Variants in OR4K1 observed in about 807,000 individuals in gnomAD.
OR4K1 encodes olfactory receptor family 4 subfamily K member 1, also known as olfactory receptor 4K1.
OR4K1 carries 16 observed loss-of-function variants against 14.4 expected under a neutral mutation model. That is an observed-to-expected ratio of 1.11 (90% CI 0.75 to 1.68). OR4K1 has a LOEUF of 1.68. Ranked by LOEUF, OR4K1 falls within the 40% of genes most tolerant of loss-of-function variation. The probability of loss-of-function intolerance (pLI) is 0.00; values close to 1 mark genes in which losing one functional copy is unlikely to be tolerated. For synonymous variants in OR4K1, 181 were observed against 133.1 expected, an observed-to-expected ratio of 1.36 and a Z score of -2.48; for missense variants, 548 against 376.9, an observed-to-expected ratio of 1.45 and a Z score of -3.76.
chr14:19,935,730 G>C lies in OR4K1; in HGVS notation c.64G>C (p.Gly22Arg). The C allele has an allele frequency of 6.2e-7, 1 of 1,613,852 alleles. No individual in the cohort carries two copies. The highest frequency in any genetic ancestry group is 8.5e-7 in the Non-Finnish European group (1 of 1,179,956). The change falls in exon 2 of 2, where the codon GGA (glycine) becomes CGA (arginine). Residue 22 changes from glycine (G) to arginine (R), a missense_variant. Physicochemically the swap from Gly to Arg is moderately radical, Grantham distance 125. Transcript: ENST00000641172. ...FVLLGLSNSW[G>R]LQLFFFAIFS... The stretch of plus-strand genomic sequence containing the variant: ...ACTTTTGGGACTCTCTAATTCCTGG[G>C]GACTTCAACTTTTCTTTTTTGCCAT...
rs755773935 is a variant in OR4K1 at position 19,936,303 on chromosome 14, G to C, written c.637G>C (p.Ala213Pro). Residue 213 changes from alanine (A) to proline (P), a missense_variant, in exon 2 of 2, where the codon GCT (alanine) becomes CCT (proline). By Grantham distance (27) the Ala-to-Pro change is conservative. Transcript: ENST00000641172. ...SGLISLSCFL[A>P]LIISYTIILI... ...CCTGATATCATTGAGCTGTTTCCTG[G>C]CTTTAATTATTTCCTACACCATCAT... The C allele has an allele frequency of 6.2e-7, 1 of 1,614,218 alleles. No homozygotes were observed. The highest frequency in any genetic ancestry group is 8.5e-7 in the Non-Finnish European group (1 of 1,180,042).
chr14:19,935,058 G>T (rs181405331), intron 1 of OR4K1, among the ~76,000 whole-genome samples: 1 of 152,184 alleles, frequency 6.6e-6, no homozygotes, highest in Non-Finnish European at 1.5e-5. Flanking sequence ...TTGCATTCAC[G>T]ATTTGCTCCT....
intron 1 of OR4K1, among the ~76,000 whole-genome samples, chr14:19,934,175 G>T (rs1882251224): frequency 6.6e-6 from 1 of 152,216 alleles, no homozygotes; most frequent in Non-Finnish European, 1.5e-5. Flanking sequence ...AATATCTGTT[G>T]TGTACTGTTG....
chr14:19,921,645 A>G, the OR4K1 span: 1 of 1,464,358 alleles, frequency 6.8e-7, no homozygotes, highest in East Asian at 2.3e-5. Flanking sequence ...TTTGTGGTGT[A>G]TCTCAATTGT....
At position 19,935,845 on chromosome 14, in the gene OR4K1, A is replaced by G. The variant is rs763218613; in HGVS notation, c.179A>G (p.Tyr60Cys). ...SFDSHLNSPM[Y>C]FLLSNLSFID... ...GACTCCCATTTGAACTCTCCTATGT[A>G]CTTCTTGCTCAGTAATCTTTCTTTC... The change falls in exon 2 of 2, where the codon TAC (tyrosine) becomes TGC (cysteine). Residue 60 changes from tyrosine to cysteine, a missense_variant. Physicochemically the swap from Tyr to Cys is radical, Grantham distance 194. Transcript: ENST00000641172. 1 of 1,614,100 alleles carries G rather than the reference A, an allele frequency of 6.2e-7. No homozygotes were observed. The highest frequency in any genetic ancestry group is 8.5e-7 in the Non-Finnish European group (1 of 1,180,044).
At chr14:19,922,346 G>A in the OR4K1 span, among the ~76,000 whole-genome samples, 3 of 152,214 alleles carry the variant, frequency 2.0e-5, no homozygotes, top group Non-Finnish European at 4.4e-5. Flanking sequence ...CTTATGTTCA[G>A]GCACCCAGTG....
chr14:19,936,686 A>G lies in OR4K1; in HGVS notation c.*84A>G. 2 of 1,268,712 alleles carry G rather than the reference A, an allele frequency of 1.6e-6. No homozygotes were observed. The allele number at this position is 1,268,712 out of a possible 1,614,324, so 78.6% of individuals were successfully genotyped here. On this transcript the variant is annotated 3_prime_UTR_variant, in exon 2 of 2. Transcript: ENST00000641172. ...GTGTCATGCCAACCATCTTTGCCAG[A>G]CATATGGGTTATTGAGTTACAGAAT...
chr14:19,920,519 C>G, the OR4K1 span: 1 of 1,463,586 alleles, frequency 6.8e-7, no homozygotes, highest in Non-Finnish European at 9.2e-7. Context: ...GAATCCCTCA[C>G]CTTAAAAGTA....
At chr14:19,935,592 A>G in intron 1 of OR4K1, 56 bp from the exon 2 acceptor site, 3 of 1,242,380 alleles carry the variant, frequency 2.4e-6, no homozygotes, top group East Asian at 2.3e-5. Context: ...TTGTTTATAA[A>G]CTAGAGGTAT....
chr14:19,926,519 C>T (rs190167009), upstream of OR4K1, among the ~76,000 whole-genome samples: 405 of 152,262 alleles, frequency 2.7e-3, 1 homozygote, highest in African/African-American at 9.0e-3. Context: ...GAGTCCAATA[C>T]GCTAGGGCAG....
chr14:19,925,077 G>C, the OR4K1 span, among the ~76,000 whole-genome samples: 1 of 151,722 alleles, frequency 6.6e-6, no homozygotes, highest in Non-Finnish European at 1.5e-5. Context: ...TTTTCCTCTG[G>C]TTTACAGATC....
rs750913107 is a variant in OR4K1, at chr14:19,935,697, G to A, written c.31G>A (p.Glu11Lys). The change falls in exon 2 of 2, where the codon GAG becomes AAG. Residue 11 changes from glutamate (E) to lysine (K), a missense_variant. By Grantham distance (56) the Glu-to-Lys change is moderately conservative (BLOSUM62 1). Coordinates refer to ENST00000641172, the MANE Select transcript of OR4K1 (RefSeq NM_001004063.3). The stretch of plus-strand genomic sequence containing the variant: ...TCACACAAATGAATCGATGGTGTCT[G>A]AGTTTGTACTTTTGGGACTCTCTAA... MAHTNESMVS[E>K]FVLLGLSNSW... 3 of 1,610,020 alleles carry A rather than the reference G, an allele frequency of 1.9e-6. No individual in the cohort carries two copies. The African/African-American group carries it at 4.0e-5, about 22-fold the overall frequency.
chr14:19,923,386 T>C, the OR4K1 span, among the ~76,000 whole-genome samples: 4 of 152,240 alleles, frequency 2.6e-5, no homozygotes, highest in African/African-American at 9.6e-5. Context: ...TGTTAGTTTA[T>C]CCCCTTTATG....
At position 19,936,682 on chromosome 14, in the gene OR4K1, C is replaced by T; in HGVS notation, c.*80C>T. 3 of 1,303,890 alleles carry T rather than the reference C, an allele frequency of 2.3e-6. No individual in the cohort carries two copies. Among genetic ancestry groups the T allele is most frequent in the Non-Finnish European group, 1.0e-6 (1 of 956,518 alleles). 80.8% of individuals were successfully genotyped at this position (1,303,890 alleles called of 1,614,324 possible). On this transcript the variant is annotated 3_prime_UTR_variant, in exon 2 of 2. Transcript: ENST00000641172. The stretch of plus-strand genomic sequence containing the variant: ...CATAGTGTCATGCCAACCATCTTTG[C>T]CAGACATATGGGTTATTGAGTTACA...
At chr14:19,922,684 T>C in the OR4K1 span, among the ~76,000 whole-genome samples, 370 of 151,822 alleles carry the variant, frequency 2.4e-3, 1 homozygote, top group African/African-American at 7.1e-3. Flanking sequence ...CTTTATAGTA[T>C]TATGAAATAT....
At chr14:19,924,686 C>A in the OR4K1 span, among the ~76,000 whole-genome samples, 9 of 152,304 alleles carry the variant, frequency 5.9e-5, no homozygotes, top group African/African-American at 2.2e-4. Flanking sequence ...CCAGCAAACC[C>A]ATTACTGGTT....
upstream of OR4K1, among the ~76,000 whole-genome samples, chr14:19,927,740 G>C (rs1223213649): frequency 2.0e-5 from 3 of 152,196 alleles, no homozygotes; most frequent in Non-Finnish European, 4.4e-5. Context: ...CCTCTGAAGG[G>C]GGGGTAGTGA....
Position 19,935,769 on chromosome 14 carries a change from T to C in OR4K1, c.103T>C (p.Tyr35His), listed in dbSNP as rs745320594. Reference protein sequence around the residue: ...LFFFAIFSIVYVTSVLGNVLI... With the variant: ...LFFFAIFSIVHVTSVLGNVLI... ...CTTTTTTGCCATCTTCTCTATAGTC[T>C]ATGTGACATCAGTGCTAGGCAATGT... The change falls in exon 2 of 2, where the codon TAT becomes CAT. Residue 35 changes from tyrosine (Y) to histidine (H), a missense_variant. Tyr to His is a moderately conservative substitution (Grantham distance 83, BLOSUM62 2). Coordinates refer to ENST00000641172, the MANE Select transcript of OR4K1 (RefSeq NM_001004063.3). 2 of 1,614,054 alleles carry C rather than the reference T, an allele frequency of 1.2e-6. No homozygotes were observed. The highest frequency in any genetic ancestry group is 3.3e-5 in the Admixed American group (2 of 60,012).
chr14:19,926,786 GA>G (rs1882072140), upstream of OR4K1, among the ~76,000 whole-genome samples: 1 of 152,232 alleles, frequency 6.6e-6, no homozygotes, highest in Admixed American at 6.5e-5. Context: ...CAATGAAATG[GA>G]GATATCCATG....
Sources: allele counts gnomAD v4.1 joint callset (sites outside exome capture counted in the v4.1 genomes callset), GRCh38; gene constraint gnomAD v4.1.1; transcripts MANE v1.5; gene names NCBI Gene and HGNC (gene_info 2026-07-23, HGNC 2026-07-21).